The following UTY variants were observed in gnomAD, a reference collection of about 807,000 sequenced individuals.
The protein encoded by UTY is ubiquitously transcribed tetratricopeptide repeat containing, Y-linked.
UTY carries 12 observed loss-of-function variants against 32.5 expected under a neutral mutation model. That is an observed-to-expected ratio of 0.37 (90% confidence interval 0.24 to 0.60). The LOEUF (loss-of-function observed/expected upper bound fraction) is 0.60. UTY is among the 20% of genes least tolerant of loss of function. UTY has a pLI of 0.69. For missense variants in UTY, 303 were observed against 299.2 expected (o/e 1.01, Z -0.09); for synonymous variants, 131 against 103.4 (o/e 1.27, Z -1.62).
At chrY:13,469,570 G>C (rs2078278566) in intron 3 of UTY, among the ~76,000 whole-genome samples, 1 of 32,692 alleles carries the variant, frequency 3.1e-5, no homozygotes, top group African/African-American at 1.2e-4. Flanking sequence ...CTGTATAGAA[G>C]GCTCAAACTC....
chrY:13,323,288 C>T (rs2059937709), intron 21 of UTY: 2 of 86,082 alleles, frequency 2.3e-5, no homozygotes, highest in African/African-American at 1.1e-4. Flanking sequence ...TCCAGCTATT[C>T]GGGAGGCTGA....
At chrY:13,331,308 AC>A (rs2060677165) in intron 18 of UTY, among the ~76,000 whole-genome samples, 1 of 33,160 alleles carries the variant, frequency 3.0e-5, no homozygotes, top group African/African-American at 1.2e-4. Context: ...TGCAGCCTGC[AC>A]CTGATACCCA....
chrY:13,298,273 G>C (rs2148723690), intron 26 of UTY, among the ~76,000 whole-genome samples: 1 of 33,439 alleles, frequency 3.0e-5, no homozygotes, highest in Non-Finnish European at 7.4e-5. Flanking sequence ...ATTTATTTAT[G>C]TATATTAAAT....
chrY:13,463,142 T>C, intron 3 of UTY, among the ~76,000 whole-genome samples: 1 of 31,135 alleles, frequency 3.2e-5, no homozygotes, highest in Non-Finnish European at 7.7e-5. Flanking sequence ...CTCCAATAGT[T>C]TGCTGAAATG....
chrY:13,258,357 G>A (rs748431071), intron 28 of UTY, among the ~76,000 whole-genome samples: 2 of 33,456 alleles, frequency 6.0e-5, no homozygotes, highest in Admixed American at 5.4e-4. Flanking sequence ...TGAACAAAAC[G>A]GTCAGATGGT....
chrY:13,334,412 C>A, intron 18 of UTY, among the ~76,000 whole-genome samples: 1 of 33,471 alleles, frequency 3.0e-5, no homozygotes, highest in Non-Finnish European at 7.4e-5. Context: ...CTACAAGGAA[C>A]GTAAACTCAT....
chrY:13,446,557 GATAGAT>G (rs2075789238), intron 4 of UTY, among the ~76,000 whole-genome samples: 7 of 4,269 alleles, frequency 1.6e-3, no homozygotes, highest in Non-Finnish European at 1.3e-3. Context: ...GTGTGAGATA[GATAGAT>G]AGATAGATAG....
At chrY:13,379,669 G>A (rs2065787422) in intron 8 of UTY, among the ~76,000 whole-genome samples, 3 of 30,576 alleles carry the variant, frequency 9.8e-5, no homozygotes, top group African/African-American at 3.9e-4. Context: ...GTTATCTGGG[G>A]CACACACATA....
intron 26 of UTY, among the ~76,000 whole-genome samples, chrY:13,298,311 G>T: frequency 3.0e-5 from 1 of 33,500 alleles, no homozygotes; most frequent in Non-Finnish European, 7.4e-5. Context: ...CTGCACATAT[G>T]CTATATTACA....
At chrY:13,331,937 C>CT (rs2060723386) in intron 18 of UTY, among the ~76,000 whole-genome samples, 4 of 33,771 alleles carry the variant, frequency 1.2e-4, no homozygotes, top group African/African-American at 4.6e-4. Flanking sequence ...CTATGATTGA[C>CT]TGATGTACCT....
intron 4 of UTY, among the ~76,000 whole-genome samples, chrY:13,432,452 A>G: frequency 3.0e-5 from 1 of 33,157 alleles, no homozygotes; most frequent in Non-Finnish European, 7.4e-5. Context: ...GCCTACCTAT[A>G]AGCTCCACCT....
intron 2 of UTY, among the ~76,000 whole-genome samples, chrY:13,477,931 CAAAT>C (rs2079244220): frequency 6.0e-5 from 2 of 33,284 alleles, no homozygotes; most frequent in African/African-American, 2.3e-4. Flanking sequence ...ATTTATCAGT[CAAAT>C]AAAGTGGATT....
At chrY:13,325,970 AAAT>A in intron 19 of UTY, among the ~76,000 whole-genome samples, 1 of 34,347 alleles carries the variant, frequency 2.9e-5, no homozygotes, top group East Asian at 7.5e-4. Flanking sequence ...GTAACTAAAT[AAAT>A]AAGCATAGTT....
At chrY:13,297,970 G>A in intron 26 of UTY, 122 bp from the exon 27 acceptor site, 1 of 167,372 alleles carries the variant, frequency 6.0e-6, no homozygotes, top group Non-Finnish European at 1.1e-5. Context: ...TTGAAACACC[G>A]TAAGACTATT....
rs764195833 is a variant in UTY, at chrY:13,305,469, A to G, written c.3495T>C (p.His1165=). The change falls in exon 24 of 30, where the codon CAT becomes CAC. Residue 1165 remains histidine (H), a synonymous_variant. Coordinates refer to ENST00000545955, the MANE Select transcript of UTY (RefSeq NM_001258249.2). Reference sequence around the variant, plus strand: ...TCATGCCCAGAATGGTATGCCCAACATGGGTTAGAAGATTTCCTGCTGACA... The same window carrying G: ...TCATGCCCAGAATGGTATGCCCAACGTGGGTTAGAAGATTTCCTGCTGACA... ...RVVSAGNLLT[H]VGHTILGMNT... 11 of 393,291 alleles carry G rather than the reference A, an allele frequency of 2.8e-5. No homozygotes were observed. Among genetic ancestry groups the G allele is most frequent in the South Asian group, 2.4e-4 (8 of 33,139 alleles).
chrY:13,345,200 T>G (rs2061798654), intron 17 of UTY, among the ~76,000 whole-genome samples: 1 of 33,055 alleles, frequency 3.0e-5, no homozygotes, highest in Non-Finnish European at 7.5e-5. Context: ...CACAGCCAGC[T>G]GAAACCAGCA....
intron 27 of UTY, among the ~76,000 whole-genome samples, chrY:13,276,525 C>A: frequency 3.0e-5 from 1 of 32,905 alleles, no homozygotes; most frequent in Non-Finnish European, 7.5e-5. Context: ...CCGGCTAACA[C>A]GGTGAAACCT....
chrY:13,315,517 A>T, intron 21 of UTY, among the ~76,000 whole-genome samples: 1 of 33,902 alleles, frequency 2.9e-5, no homozygotes, highest in Non-Finnish European at 7.3e-5. Context: ...CTGAGGCAGG[A>T]GAATAGCTTG....
chrY:13,360,207 T>A (rs2063381560), intron 11 of UTY, among the ~76,000 whole-genome samples: 1 of 31,997 alleles, frequency 3.1e-5, no homozygotes, highest in South Asian at 7.1e-4. Flanking sequence ...GCTATTTTTT[T>A]AAATTTTTTT....
Sources: allele counts gnomAD v4.1 joint callset (sites outside exome capture counted in the v4.1 genomes callset), GRCh38; gene constraint gnomAD v4.1.1; transcripts MANE v1.5; gene names NCBI Gene and HGNC (gene_info 2026-07-23, HGNC 2026-07-21).